The following NCAPG2 variants were observed in gnomAD, a reference collection of about 807,000 sequenced individuals.
NCAPG2 encodes non-SMC condensin II complex subunit G2, also known as condensin-2 complex subunit G2.
Under a neutral mutation model 141.1 loss-of-function variants are expected in NCAPG2, and 53 were observed. The ratio of observed to expected loss-of-function variants is 0.38; its 90% CI spans 0.30 to 0.47. The LOEUF (loss-of-function observed/expected upper bound fraction) is 0.47, where lower values mean the gene tolerates loss of function less well. Ranked by LOEUF, NCAPG2 falls within the 20% of genes least tolerant of loss-of-function variation. NCAPG2 has a pLI of 0.99. For missense variants in NCAPG2, 1,087 were observed against 1,389.0 expected (o/e 0.78, Z 3.46); for synonymous variants, 499 against 490.7 (o/e 1.02, Z -0.22).
At chr7:158,661,493 A>C (rs938231150) in intron 16 of NCAPG2, among the ~76,000 whole-genome samples, 2 of 152,170 alleles carry the variant, frequency 1.3e-5, no homozygotes, top group African/African-American at 4.8e-5. Flanking sequence ...AAGGATTCAA[A>C]ATTGCAGTTA....
At chr7:158,690,808 A>T in intron 4 of NCAPG2, 86 bp from the exon 5 acceptor site, 2 of 1,249,234 alleles carry the variant, frequency 1.6e-6, no homozygotes, top group East Asian at 2.5e-5. Context: ...ATGACTTTAT[A>T]TATTATTTAA....
intron 2 of NCAPG2, among the ~76,000 whole-genome samples, chr7:158,701,160 T>A (rs1835760852): frequency 6.6e-6 from 1 of 152,144 alleles, no homozygotes; most frequent in Non-Finnish European, 1.5e-5. Flanking sequence ...TTCCCCACCA[T>A]ATCCATATCC....
Position 158,650,970 on chromosome 7 carries a change from C to A in NCAPG2, c.2937G>T (p.Leu979=). 6.4e-7 allele frequency: 1 copy of A among 1,572,818 alleles called. No individual in the cohort carries two copies. Among genetic ancestry groups the A allele is most frequent in the Non-Finnish European group, 8.6e-7 (1 of 1,166,780 alleles). The change falls in exon 24 of 28, where the codon CTG becomes CTT. Residue 979 remains leucine (L), a splice_region_variant and synonymous_variant. Transcript: ENST00000356309. ...FRKQPEEGLR[L]LYSVQRPLHE... is the part of the protein sequence containing the mutation. ...GAAGAGGCCTCTGAACAGAATAAAG[C>A]AGCTACAAGAAAACACATACGTCAC...
Position 158,633,653 on chromosome 7 carries a change from C to T in NCAPG2, c.3381-1936G>A, listed in dbSNP as rs1239389187. On this transcript the variant is annotated intron_variant, in intron 27 of 27. Transcript: ENST00000356309. This position sits in a 1 kb window ranked among gnomAD's most constrained non-coding sequence, Gnocchi z 4.1. ...CTCTGTCCACAGACCAGGTTCCGCC[C>T]ACCTGTCAGCCCAGCAACTGCCTGG... is the stretch of plus-strand genomic sequence containing the variant. 6.6e-6 allele frequency among the ~76,000 whole-genome samples: 1 copy of T among 152,216 alleles called. No homozygotes were observed. The highest frequency in any genetic ancestry group is 2.4e-5 in the African/African-American group (1 of 41,460).
intron 27 of NCAPG2, among the ~76,000 whole-genome samples, chr7:158,635,041 A>G (rs937510222): frequency 2.0e-5 from 3 of 152,202 alleles, no homozygotes; most frequent in Non-Finnish European, 4.4e-5. Context: ...CTTTCCTTCT[A>G]TGTCAGGTTA....
chr7:158,644,482 G>A (rs895498057), intron 26 of NCAPG2, 94 bp from the exon 27 acceptor site: 3 of 1,053,416 alleles, frequency 2.8e-6, no homozygotes, highest in Admixed American at 1.7e-5. Context: ...TCCCTAAGCT[G>A]GGCCTCCCTA....
intron 2 of NCAPG2, among the ~76,000 whole-genome samples, chr7:158,694,360 T>C (rs1472332592): frequency 1.3e-5 from 2 of 152,232 alleles, no homozygotes; most frequent in African/African-American, 2.4e-5. Context: ...ACAATAATTA[T>C]GGACTCTGGC....
intron 2 of NCAPG2, among the ~76,000 whole-genome samples, chr7:158,696,903 C>T (rs1378729631): frequency 6.6e-6 from 1 of 152,184 alleles, no homozygotes; most frequent in African/African-American, 2.4e-5. Context: ...AATGACAAAC[C>T]ACATATATGA....
chr7:158,701,512 C>T (rs1480735893), intron 2 of NCAPG2, among the ~76,000 whole-genome samples: 1 of 152,218 alleles, frequency 6.6e-6, no homozygotes, highest in Admixed American at 6.5e-5. Context: ...CATCTTCTGC[C>T]TTCCTGCTGA....
chr7:158,663,729 G>A (rs1443837614), intron 15 of NCAPG2, among the ~76,000 whole-genome samples: 1 of 152,266 alleles, frequency 6.6e-6, no homozygotes, highest in Non-Finnish European at 1.5e-5. Context: ...AAGCACAGGA[G>A]TTTAGAAGCT....
rs151273996 is a variant in NCAPG2, at chr7:158,657,545, C to G, written c.2060+793G>C. 5.0e-3 allele frequency among the ~76,000 whole-genome samples: 762 copies of G among 152,334 alleles called. 45 individuals are homozygous for G. In the East Asian group the frequency reaches 0.12, roughly 24 times the overall value. On this transcript the variant is annotated intron_variant, in intron 17 of 27. Coordinates refer to ENST00000356309, the MANE Select transcript of NCAPG2 (RefSeq NM_017760.7). ...GAGGGAGGTGGGGGGGTCAGCCCCC[C>G]ACCCGGCCAGCCGCCCCGTCCGGGA... is the stretch of plus-strand genomic sequence containing the variant.
intron 22 of NCAPG2, among the ~76,000 whole-genome samples, chr7:158,653,375 A>ATT (rs1327817550): frequency 2.3e-5 from 2 of 88,568 alleles, no homozygotes; most frequent in African/African-American, 7.3e-5. Context: ...AAAAAAAAAA[A>ATT]AATAAAAAAA....
chr7:158,678,536 G>A (rs1372521983), intron 11 of NCAPG2, among the ~76,000 whole-genome samples: 2 of 151,736 alleles, frequency 1.3e-5, no homozygotes, highest in Non-Finnish European at 2.9e-5. Flanking sequence ...TCAGGGTCTC[G>A]CTCTATCGCC....
intron 1 of NCAPG2, 62 bp from the exon 2 acceptor site, chr7:158,702,000 T>C (rs1275113508): frequency 2.8e-6 from 3 of 1,073,684 alleles, no homozygotes; most frequent in Non-Finnish European, 4.0e-6. Flanking sequence ...TAAGATTTAA[T>C]TTGATATTAA....
chr7:158,682,656 C>T (rs1360163222), intron 9 of NCAPG2, among the ~76,000 whole-genome samples: 3 of 152,144 alleles, frequency 2.0e-5, no homozygotes, highest in Admixed American at 6.5e-5. Context: ...GCAAACAAGG[C>T]ATCCCATGGG....
At chr7:158,638,003 G>T (rs1419096290) in intron 27 of NCAPG2, among the ~76,000 whole-genome samples, 1 of 152,086 alleles carries the variant, frequency 6.6e-6, no homozygotes, top group Admixed American at 6.5e-5. Flanking sequence ...AATTAGCCGG[G>T]CATGGTGGCG....
Position 158,653,315 on chromosome 7 carries a change from G to A in NCAPG2, c.2747-835C>T, listed in dbSNP as rs370190028. Among the ~76,000 whole-genome samples, 10 of 148,456 alleles carry A rather than the reference G, an allele frequency of 6.7e-5. No individual in the cohort carries two copies. In the Admixed American group the frequency reaches 6.8e-4, roughly 10 times the overall value. The stretch of plus-strand genomic sequence containing the variant: ...GTGGAGGTTGCAGTGAGCCAAGGTC[G>A]CACCACTGCACTCCACTCCAGCCTG... On this transcript the variant is annotated intron_variant, in intron 22 of 27. Coordinates refer to ENST00000356309, the MANE Select transcript of NCAPG2 (RefSeq NM_017760.7).
chr7:158,669,270 C>A (rs6961537), intron 13 of NCAPG2, among the ~76,000 whole-genome samples: 83,233 of 151,874 alleles, frequency 0.55, 23,322 homozygotes, highest in Non-Finnish European at 0.6. Flanking sequence ...ATTTATATTC[C>A]TTTAGGTATA....
At chr7:158,651,049 A>C in intron 23 of NCAPG2, 77 bp from the exon 24 acceptor site, 1 of 1,407,322 alleles carries the variant, frequency 7.1e-7, no homozygotes, top group Non-Finnish European at 9.4e-7. Context: ...ACTTTAAAAT[A>C]AGTATTCTTA....
Sources: gnomAD v4.1 joint callset for allele counts (sites outside exome capture counted in the v4.1 genomes callset) on GRCh38, gnomAD v4.1.1 for gene constraint, Gnocchi (gnomAD v3.1) non-coding constraint, MANE v1.5 for transcripts, NCBI Gene and HGNC (gene_info 2026-07-23, HGNC 2026-07-21) for gene names.